DLGAP1: variants seen among roughly 807,000 people sequenced by gnomAD.
DLGAP1 encodes DLG associated protein 1, also known as disks large-associated protein 1.
A neutral mutation model predicts 90.8 loss-of-function variants in DLGAP1; 11 were observed. The ratio of observed to expected loss-of-function variants is 0.12; its 90% confidence interval spans 0.08 to 0.20. The LOEUF (loss-of-function observed/expected upper bound fraction) is 0.20, where lower values mean the gene tolerates loss of function less well. Ranked by LOEUF, DLGAP1 falls within the 10% of genes least tolerant of loss-of-function variation. DLGAP1 has a pLI of 1.00. For synonymous variants in DLGAP1, 558 were observed against 540.7 expected, an observed-to-expected ratio of 1.03 and a Z score of -0.44; for missense variants, 1,050 against 1,333.8, an observed-to-expected ratio of 0.79 and a Z score of 3.31.
intron 10 of DLGAP1, among the ~76,000 whole-genome samples, chr18:3,531,368 CAG>C (rs1269967571): frequency 6.6e-6 from 1 of 152,002 alleles, no homozygotes; most frequent in East Asian, 1.9e-4. Flanking sequence ...ACCCAGGAGA[CAG>C]AGGTTGCAGT....
In DLGAP1 at chr18:3,902,929, A is replaced by C. The variant is rs549772513; in HGVS notation, c.-72-22789T>G. On this transcript the variant is annotated intron_variant, in intron 3 of 12. Transcript: ENST00000315677. ...TAAGACTCATTCAAATCCTGCCTCC[A>C]TGAAACCTTCGCTGAGAGTGATCAG... Among the ~76,000 whole-genome samples, 3 of 152,232 alleles carry C rather than the reference A, an allele frequency of 2.0e-5. No individual in the cohort carries two copies. In the East Asian group the frequency reaches 5.8e-4, roughly 29 times the overall value.
At chr18:4,005,514 T>C (rs569400250) in intron 2 of DLGAP1, among the ~76,000 whole-genome samples, 2 of 152,262 alleles carry the variant, frequency 1.3e-5, no homozygotes, top group South Asian at 4.1e-4. Flanking sequence ...TTCAATTATT[T>C]ATTCAACAAG....
At chr18:4,252,700 C>T (rs572221409) in intron 1 of DLGAP1, among the ~76,000 whole-genome samples, 1 of 152,268 alleles carries the variant, frequency 6.6e-6, no homozygotes, top group African/African-American at 2.4e-5. Context: ...TCAATTTCGA[C>T]CGTAATAATT....
At chr18:4,073,917 A>G (rs1189756351) in intron 2 of DLGAP1, among the ~76,000 whole-genome samples, 1 of 152,186 alleles carries the variant, frequency 6.6e-6, no homozygotes, top group Non-Finnish European at 1.5e-5. Context: ...ATAAAATGAA[A>G]ATAAAAGGAA....
chr18:3,553,488 G>A (rs2053587859), intron 9 of DLGAP1, among the ~76,000 whole-genome samples: 1 of 152,102 alleles, frequency 6.6e-6, no homozygotes. Flanking sequence ...TGTGGAAAAG[G>A]TAGATAATAC....
In DLGAP1 at chr18:3,573,434, G is replaced by A. The variant is rs573666167; in HGVS notation, c.1966-5853C>T. On this transcript the variant is annotated intron_variant, in intron 8 of 12. Coordinates refer to ENST00000315677, the MANE Select transcript of DLGAP1 (RefSeq NM_004746.4). ...GGATAATTGCTTGAACCCAGGAGAT[G>A]GAAGTTACAGTGAGCCTAGATCATA... Among the ~76,000 whole-genome samples the A allele has an allele frequency of 3.3e-5, 5 of 152,194 alleles. No homozygotes were observed. The South Asian group carries it at 1.0e-3, about 32-fold the overall frequency.
chr18:4,110,680 T>C (rs2075957239), intron 2 of DLGAP1, among the ~76,000 whole-genome samples: 1 of 152,208 alleles, frequency 6.6e-6, no homozygotes, highest in African/African-American at 2.4e-5. Flanking sequence ...AAATGAATTA[T>C]AGTAGTAATA....
chr18:3,928,892 G>A (rs2072453096), intron 3 of DLGAP1, among the ~76,000 whole-genome samples: 1 of 152,148 alleles, frequency 6.6e-6, no homozygotes, highest in African/African-American at 2.4e-5. Context: ...AGGACCTGGT[G>A]GGAGGTGATT....
intron 1 of DLGAP1, among the ~76,000 whole-genome samples, chr18:4,407,523 G>C (rs905887328): frequency 6.6e-6 from 1 of 152,188 alleles, no homozygotes; most frequent in Non-Finnish European, 1.5e-5. Flanking sequence ...CATTAGGCTT[G>C]GCTATGCTCC....
At chr18:3,940,183 C>T (rs1163307416) in intron 3 of DLGAP1, among the ~76,000 whole-genome samples, 7 of 152,188 alleles carry the variant, frequency 4.6e-5, no homozygotes, top group Non-Finnish European at 8.8e-5. Flanking sequence ...GGAACTAAGG[C>T]CTCCTGCAAA....
intron 7 of DLGAP1, among the ~76,000 whole-genome samples, chr18:3,718,483 G>A (rs888842755): frequency 1.3e-5 from 2 of 151,976 alleles, no homozygotes; most frequent in African/African-American, 4.8e-5. Context: ...ACAAGCAGAT[G>A]ATGTTATATG....
At chr18:3,925,017 A>C (rs1365907861) in intron 3 of DLGAP1, among the ~76,000 whole-genome samples, 1 of 151,896 alleles carries the variant, frequency 6.6e-6, no homozygotes, top group African/African-American at 2.4e-5. Context: ...CAGTGGCGTG[A>C]TCTTGGCTTA....
intron 1 of DLGAP1, among the ~76,000 whole-genome samples, chr18:4,334,939 G>A (rs1345521232): frequency 6.6e-6 from 1 of 151,852 alleles, no homozygotes; most frequent in African/African-American, 2.4e-5. Context: ...TAACAAGCTT[G>A]GTAGTATTTA....
intron 1 of DLGAP1, among the ~76,000 whole-genome samples, chr18:4,358,587 G>A (rs541765673): frequency 6.6e-6 from 1 of 152,350 alleles, no homozygotes; most frequent in African/African-American, 2.4e-5. Flanking sequence ...AGATATAACT[G>A]CAGACTACTC....
chr18:3,662,650 AC>A (rs2146618606), intron 7 of DLGAP1, among the ~76,000 whole-genome samples: 1 of 152,306 alleles, frequency 6.6e-6, no homozygotes, highest in South Asian at 2.1e-4. Context: ...AAAGGGGACA[AC>A]TCAGAAGGTG....
intron 2 of DLGAP1, among the ~76,000 whole-genome samples, chr18:4,025,905 T>A (rs1206672964): frequency 1.3e-5 from 2 of 152,222 alleles, no homozygotes; most frequent in Non-Finnish European, 2.9e-5. Flanking sequence ...AACAATCTCT[T>A]GTTATGATAA....
chr18:3,849,084 C>T (rs2069189575), intron 4 of DLGAP1, among the ~76,000 whole-genome samples: 1 of 152,188 alleles, frequency 6.6e-6, no homozygotes, highest in South Asian at 2.1e-4. Context: ...ACGCTCTTCC[C>T]TCTACTGGAG....
At chr18:4,063,053 C>A (rs1285840513) in intron 2 of DLGAP1, among the ~76,000 whole-genome samples, 1 of 151,858 alleles carries the variant, frequency 6.6e-6, no homozygotes, top group Non-Finnish European at 1.5e-5. Flanking sequence ...TATGTTTAGA[C>A]AAATAAATTG....
intron 8 of DLGAP1, among the ~76,000 whole-genome samples, chr18:3,569,957 C>G (rs556511349): frequency 6.6e-6 from 1 of 152,056 alleles, no homozygotes; most frequent in South Asian, 2.1e-4. Flanking sequence ...ATCTTTTGTA[C>G]TGTATTTTTA....
Sources: gnomAD v4.1 joint callset for allele counts (sites outside exome capture counted in the v4.1 genomes callset) on GRCh38, gnomAD v4.1.1 for gene constraint, MANE v1.5 for transcripts, NCBI Gene and HGNC (gene_info 2026-07-23, HGNC 2026-07-21) for gene names.